Variants in ARHGAP44 observed in about 807,000 individuals in gnomAD.
ARHGAP44 encodes the protein rho GTPase-activating protein 44.
In ARHGAP44, 43 loss-of-function variants were observed where a neutral mutation model predicts 106.8. The ratio of observed to expected loss-of-function variants is 0.40; its 90% confidence interval spans 0.32 to 0.52. The LOEUF (loss-of-function observed/expected upper bound fraction) is 0.52. Among genes scored for constraint, ARHGAP44 ranks in the 20% least tolerant of loss-of-function variants. The pLI is 0.48. For synonymous variants in ARHGAP44, 439 were observed against 410.3 expected (o/e 1.07, Z -0.85); for missense variants, 866 against 1,050.5 (o/e 0.82, Z 2.43).
At chr17:12,956,007 G>A in intron 14 of ARHGAP44, 27 bp downstream of exon 14, 1 of 1,564,126 alleles carries the variant, frequency 6.4e-7, no homozygotes, top group Non-Finnish European at 8.8e-7. Context: ...GAAGTAATGT[G>A]GGTGATCAGG....
Position 12,984,624 on chromosome 17 carries a change from G to T in ARHGAP44, c.2033G>T (p.Ser678Ile). ...DQSAGQPSPVSLSPTPPSTPS... is the reference protein window; with the variant it reads ...DQSAGQPSPVILSPTPPSTPS... Reference sequence around the variant, plus strand: ...TCCGCTGGCCAGCCGTCCCCAGTCAGCCTGTCCCCCACCCCGCCCAGCACC... The same window carrying T: ...TCCGCTGGCCAGCCGTCCCCAGTCATCCTGTCCCCCACCCCGCCCAGCACC... The change falls in exon 20 of 21, where the codon AGC becomes ATC. Residue 678 changes from serine to isoleucine, a missense_variant. Ser to Ile is a moderately radical substitution (Grantham distance 142). Around this residue, in one of 2 missense-constraint regions of ARHGAP44, gnomAD observed 418 missense variants for 403.6 expected, o/e 1.04. Coordinates refer to ENST00000379672, the MANE Select transcript of ARHGAP44 (RefSeq NM_014859.6). The T allele has an allele frequency of 6.2e-7, 1 of 1,611,618 alleles. No individual in the cohort carries two copies.
intron 1 of ARHGAP44, among the ~76,000 whole-genome samples, chr17:12,853,544 A>C (rs190898776): frequency 6.6e-6 from 1 of 152,282 alleles, no homozygotes; most frequent in East Asian, 1.9e-4. Context: ...CAGAAAGGTA[A>C]ATGTGAGGAC....
intron 1 of ARHGAP44, among the ~76,000 whole-genome samples, chr17:12,838,174 A>C (rs557144822): frequency 6.6e-6 from 1 of 152,208 alleles, no homozygotes; most frequent in Admixed American, 6.6e-5. Flanking sequence ...TGCTAACACT[A>C]TCCTTGTCAC....
intron 1 of ARHGAP44, chr17:12,790,131 C>T (rs2033693993): frequency 4.1e-6 from 2 of 485,134 alleles, no homozygotes; most frequent in Non-Finnish European, 7.2e-6. Context: ...CAAAGTGTGA[C>T]GCATCCTTTA....
chr17:12,925,498 C>T (rs139505451), intron 6 of ARHGAP44, among the ~76,000 whole-genome samples: 2 of 152,326 alleles, frequency 1.3e-5, no homozygotes, highest in African/African-American at 4.8e-5. Flanking sequence ...TTTTAAAATT[C>T]TTCTTCTGGA....
chr17:12,984,426 G>A, intron 19 of ARHGAP44, 105 bp from the exon 20 acceptor site: 3 of 1,279,704 alleles, frequency 2.3e-6, no homozygotes, highest in Non-Finnish European at 3.1e-6. Flanking sequence ...CGAGGGGCAG[G>A]AGGTGGGGAC....
intron 1 of ARHGAP44, among the ~76,000 whole-genome samples, chr17:12,891,863 C>T (rs574462750): frequency 3.0e-4 from 45 of 149,328 alleles, no homozygotes; most frequent in Non-Finnish European, 4.3e-4. Flanking sequence ...GGCATGATGT[C>T]GGCTCACTGC....
intron 1 of ARHGAP44, among the ~76,000 whole-genome samples, chr17:12,821,100 C>G (rs1458289912): frequency 1.3e-5 from 2 of 152,166 alleles, no homozygotes; most frequent in Non-Finnish European, 2.9e-5. Flanking sequence ...AATTTATCAT[C>G]TATTTGAACA....
intron 1 of ARHGAP44, among the ~76,000 whole-genome samples, chr17:12,829,236 G>A (rs767651312): frequency 2.6e-4 from 40 of 151,914 alleles, no homozygotes; most frequent in African/African-American, 8.9e-4. Flanking sequence ...GAGCTGGTCC[G>A]TCATTCCTAT....
intron 1 of ARHGAP44, among the ~76,000 whole-genome samples, chr17:12,867,466 A>T (rs1365420455): frequency 1.3e-5 from 2 of 152,152 alleles, no homozygotes; most frequent in Non-Finnish European, 2.9e-5. Flanking sequence ...GCTTACAGGA[A>T]GCGGGGCAGG....
intron 1 of ARHGAP44, among the ~76,000 whole-genome samples, chr17:12,804,515 G>C (rs2034214843): frequency 6.6e-6 from 1 of 152,188 alleles, no homozygotes; most frequent in African/African-American, 2.4e-5. Context: ...AAGTATTCAA[G>C]TAAACAGCCA....
chr17:12,959,379 T>TTCTA (rs2039204102), intron 16 of ARHGAP44, among the ~76,000 whole-genome samples: 1 of 152,224 alleles, frequency 6.6e-6, no homozygotes. Context: ...CGTAAAATCC[T>TTCTA]TCTAGGTTTT....
chr17:12,847,459 G>A (rs955397306), intron 1 of ARHGAP44, among the ~76,000 whole-genome samples: 13 of 150,308 alleles, frequency 8.6e-5, no homozygotes, highest in African/African-American at 3.0e-4. Context: ...TCTTACCTCC[G>A]TAACTTCGTA....
chr17:12,850,703 C>T (rs1007842347), intron 1 of ARHGAP44, among the ~76,000 whole-genome samples: 9 of 152,200 alleles, frequency 5.9e-5, no homozygotes, highest in East Asian at 5.8e-4. Flanking sequence ...GATTGATCCT[C>T]GTCTACCTGG....
rs143394913 is a variant in ARHGAP44, at chr17:12,873,136, AT to A, written c.54-21797del. On this transcript the variant is annotated intron_variant, in intron 1 of 20. Coordinates refer to ENST00000379672, the MANE Select transcript of ARHGAP44 (RefSeq NM_014859.6). ...ATCCCCACATTAGAGTAACCATGCC[AT>A]TTTTTTCCCCTCCTCTCTCTTGTCC... is the stretch of plus-strand genomic sequence containing the variant. Among the ~76,000 whole-genome samples the A allele has an allele frequency of 2.0e-3, 222 of 112,914 alleles. 1 individual carries two copies. Among genetic ancestry groups the A allele is most frequent in the African/African-American group, 6.5e-3 (185 of 28,440 alleles). 74.1% of individuals were successfully genotyped at this position (112,914 alleles called of 152,430 possible). A position where few individuals can be genotyped will look rare whatever the true frequency, so the allele number is the denominator to read the frequency against.
intron 16 of ARHGAP44, among the ~76,000 whole-genome samples, chr17:12,971,870 A>G (rs1378569851): frequency 1.3e-5 from 2 of 152,188 alleles, no homozygotes; most frequent in African/African-American, 2.4e-5. Flanking sequence ...GAAGGGGATC[A>G]GGAAGCCCTC....
intron 1 of ARHGAP44, among the ~76,000 whole-genome samples, chr17:12,885,434 G>A (rs534952541): frequency 7.2e-5 from 11 of 151,810 alleles, no homozygotes; most frequent in Non-Finnish European, 1.3e-4. Flanking sequence ...AACTGCCAAA[G>A]TGTTTTCTAC....
At chr17:12,957,868 A>G (rs998353457) in intron 15 of ARHGAP44, among the ~76,000 whole-genome samples, 3 of 152,238 alleles carry the variant, frequency 2.0e-5, no homozygotes, top group Non-Finnish European at 2.9e-5. Flanking sequence ...TAGTAATTCT[A>G]TGCTCTGCCC....
chr17:12,838,635 A>C (rs1323747353), intron 1 of ARHGAP44, among the ~76,000 whole-genome samples: 1 of 152,092 alleles, frequency 6.6e-6, no homozygotes, highest in Non-Finnish European at 1.5e-5. Flanking sequence ...GTGCAGGAAG[A>C]TTTGAAAACC....
Sources: gnomAD v4.1 joint callset for allele counts (sites outside exome capture counted in the v4.1 genomes callset) on GRCh38, gnomAD v4.1.1 for gene constraint, gnomAD v4.1.1 regional missense constraint, MANE v1.5 for transcripts, NCBI Gene and HGNC (gene_info 2026-07-23, HGNC 2026-07-21) for gene names.